Variants in PTPRG observed in about 807,000 individuals in gnomAD.
The protein encoded by PTPRG is receptor-type tyrosine-protein phosphatase gamma.
PTPRG carries 102 observed loss-of-function variants against 165.3 expected under a neutral mutation model. The observed-to-expected ratio is 0.62, with a 90% CI of 0.53 to 0.73. PTPRG has a LOEUF of 0.73. Among genes scored for constraint, PTPRG ranks in the 30% least tolerant of loss-of-function variants. PTPRG has a pLI of 0.00. For missense variants in PTPRG, 1,866 were observed against 1,861.4 expected, an observed-to-expected ratio of 1.00 and a Z score of -0.05; for synonymous variants, 675 against 669.5, an observed-to-expected ratio of 1.01 and a Z score of -0.13.
intron 4 of PTPRG, among the ~76,000 whole-genome samples, chr3:62,025,061 T>C (rs1252892294): frequency 2.6e-5 from 4 of 152,118 alleles, no homozygotes; most frequent in Non-Finnish European, 5.9e-5. Context: ...AAGGGAGAGC[T>C]TTATATAATA....
chr3:62,274,863 T>C (rs1171642942), intron 23 of PTPRG, among the ~76,000 whole-genome samples: 3 of 152,182 alleles, frequency 2.0e-5, no homozygotes, highest in Non-Finnish European at 4.4e-5. Flanking sequence ...TTACAAAATA[T>C]TAAGTACCAA....
chr3:62,293,456 G>T lies in PTPRG; in HGVS notation c.*149G>T. 1.6e-6 allele frequency: 1 copy of T among 642,594 alleles called. No individual in the cohort carries two copies. Among genetic ancestry groups the T allele is most frequent in the Non-Finnish European group, 2.5e-6 (1 of 406,054 alleles). The allele number at this position is 642,594 out of a possible 1,614,324, so 39.8% of individuals were successfully genotyped here. Reference sequence around the variant, plus strand: ...TGATATTTATTTTTTGCCATTTTATGTCTTAATGGTATCCTACTGAGCATT... The same window carrying T: ...TGATATTTATTTTTTGCCATTTTATTTCTTAATGGTATCCTACTGAGCATT... On this transcript the variant is annotated 3_prime_UTR_variant, in exon 30 of 30. Coordinates refer to ENST00000474889, the MANE Select transcript of PTPRG (RefSeq NM_002841.4).
At position 62,203,223 on chromosome 3, in the gene PTPRG, G is replaced by A. The variant is rs749430943; in HGVS notation, c.1428G>A (p.Gly476=). ...CCGACATGGCCCCCATCAGCTCGGG[G>A]TCTTCTACCTGGACGTCCTCTGGCA... is the stretch of plus-strand genomic sequence containing the variant. The part of the protein sequence containing the change: ...SSADMAPISS[G]SSTWTSSGIP... Residue 476 remains glycine, a synonymous_variant, in exon 12 of 30, where the codon GGG becomes GGA. Coordinates refer to ENST00000474889, the MANE Select transcript of PTPRG (RefSeq NM_002841.4). This position sits in a 1 kb window ranked among gnomAD's most constrained non-coding sequence, Gnocchi z 6.4. The A allele has an allele frequency of 1.9e-6, 3 of 1,612,622 alleles. No homozygotes were observed. The highest frequency in any genetic ancestry group is 1.1e-5 in the South Asian group (1 of 90,910).
chr3:61,594,528 A>G (rs1413664310), intron 1 of PTPRG, among the ~76,000 whole-genome samples: 2 of 152,082 alleles, frequency 1.3e-5, no homozygotes, highest in Non-Finnish European at 2.9e-5. Context: ...GAGTTGGAGG[A>G]GCACCCCCCA....
At chr3:61,573,706 A>G (rs1293306255) in intron 1 of PTPRG, among the ~76,000 whole-genome samples, 2 of 152,210 alleles carry the variant, frequency 1.3e-5, no homozygotes, top group African/African-American at 2.4e-5. Context: ...GAGGGCTGAC[A>G]GAATGAGTAG....
Position 62,252,928 on chromosome 3 carries a change from T to C in PTPRG, c.2468-2196T>C, listed in dbSNP as rs1386421949. Among the ~76,000 whole-genome samples the C allele has an allele frequency of 6.6e-6, 1 of 152,196 alleles. No individual in the cohort carries two copies. Among genetic ancestry groups the C allele is most frequent in the Non-Finnish European group, 1.5e-5 (1 of 68,036 alleles). ...ACCCAGAGGGTGTGGTTAGGCGTCCTTGGATAAAGATGCAAATTGGAGAGA... is the reference window on the plus strand; with the variant it reads ...ACCCAGAGGGTGTGGTTAGGCGTCCCTGGATAAAGATGCAAATTGGAGAGA... On this transcript the variant is annotated intron_variant, in intron 15 of 29. Transcript: ENST00000474889. The surrounding 1 kb of genome is among the most constrained non-coding windows in gnomAD (Gnocchi z 4.6).
chr3:61,695,239 G>A (rs1040002338), intron 1 of PTPRG, among the ~76,000 whole-genome samples: 10 of 152,308 alleles, frequency 6.6e-5, no homozygotes, highest in South Asian at 6.2e-4. Context: ...TCGAACTCCC[G>A]ACCTCGGGTG....
intron 2 of PTPRG, among the ~76,000 whole-genome samples, chr3:61,926,130 C>T (rs2039203450): frequency 6.6e-6 from 1 of 152,090 alleles, no homozygotes; most frequent in Non-Finnish European, 1.5e-5. Flanking sequence ...TAATGGAGGG[C>T]TATTTTAAGG....
intron 1 of PTPRG, among the ~76,000 whole-genome samples, chr3:61,629,907 A>G (rs1347882584): frequency 2.0e-5 from 3 of 152,204 alleles, no homozygotes; most frequent in African/African-American, 7.2e-5. Flanking sequence ...TGTCAAGCTG[A>G]TGGGCTACCA....
At chr3:62,047,424 T>G (rs1700331454) in intron 4 of PTPRG, among the ~76,000 whole-genome samples, 1 of 152,088 alleles carries the variant, frequency 6.6e-6, no homozygotes, top group South Asian at 2.1e-4. Flanking sequence ...CACGCCTGGC[T>G]AATTTTTTTG....
intron 2 of PTPRG, among the ~76,000 whole-genome samples, chr3:61,898,862 G>A (rs1334524001): frequency 1.3e-5 from 2 of 152,174 alleles, no homozygotes; most frequent in African/African-American, 4.8e-5. Context: ...CTGGAAATAA[G>A]TAACATTGTG....
chr3:62,109,286 A>G (rs1355665775), intron 5 of PTPRG, among the ~76,000 whole-genome samples: 1 of 152,150 alleles, frequency 6.6e-6, no homozygotes, highest in Admixed American at 6.5e-5. Context: ...TCCCAACACC[A>G]TTTATTAAAT....
chr3:62,089,486 C>G (rs1016792117), intron 5 of PTPRG, among the ~76,000 whole-genome samples: 3 of 152,166 alleles, frequency 2.0e-5, no homozygotes, highest in African/African-American at 7.2e-5. Context: ...GCAAGAACGT[C>G]CATGATAGAA....
chr3:61,871,425 T>A (rs777884675), intron 2 of PTPRG, among the ~76,000 whole-genome samples: 5 of 151,602 alleles, frequency 3.3e-5, no homozygotes, highest in Non-Finnish European at 7.4e-5. Context: ...AGAGATGGGG[T>A]CTTACTGGTC....
chr3:61,854,303 A>G (rs1430476431), intron 2 of PTPRG, among the ~76,000 whole-genome samples: 2 of 152,182 alleles, frequency 1.3e-5, no homozygotes, highest in East Asian at 1.9e-4. Flanking sequence ...AGTTTTCACC[A>G]TAATTATAAA....
At chr3:61,600,461 G>T (rs1379955078) in intron 1 of PTPRG, among the ~76,000 whole-genome samples, 1 of 152,060 alleles carries the variant, frequency 6.6e-6, no homozygotes, top group Non-Finnish European at 1.5e-5. Flanking sequence ...GGGTAATTTT[G>T]ACTCTGGATG....
intron 2 of PTPRG, among the ~76,000 whole-genome samples, chr3:61,821,605 T>C (rs1051129252): frequency 6.6e-6 from 1 of 152,124 alleles, no homozygotes; most frequent in Non-Finnish European, 1.5e-5. Context: ...CTGTGACTTA[T>C]AAAGCTAATA....
intron 2 of PTPRG, among the ~76,000 whole-genome samples, chr3:61,776,488 T>C (rs913591091): frequency 6.6e-6 from 1 of 152,152 alleles, no homozygotes; most frequent in Non-Finnish European, 1.5e-5. Context: ...TGTCTGTTGT[T>C]AATTATTTTC....
chr3:61,811,662 A>G (rs553351354), intron 2 of PTPRG, among the ~76,000 whole-genome samples: 3 of 152,348 alleles, frequency 2.0e-5, no homozygotes, highest in South Asian at 4.1e-4. Context: ...ACACAACTTC[A>G]GCTTTCATAT....
Sources: gnomAD v4.1 joint callset for allele counts (sites outside exome capture counted in the v4.1 genomes callset) on GRCh38, gnomAD v4.1.1 for gene constraint, Gnocchi (gnomAD v3.1) non-coding constraint, MANE v1.5 for transcripts, NCBI Gene and HGNC (gene_info 2026-07-23, HGNC 2026-07-21) for gene names.